Variants in ATG2B observed in about 807,000 individuals in gnomAD.
ATG2B encodes autophagy related 2B, also known as autophagy-related protein 2 homolog B.
ATG2B carries 121 observed loss-of-function variants against 241.3 expected under a neutral mutation model. That is an observed-to-expected ratio of 0.50 (90% confidence interval 0.43 to 0.58). The LOEUF (loss-of-function observed/expected upper bound fraction) is 0.58, where lower values mean the gene tolerates loss of function less well. Ranked by LOEUF, ATG2B falls within the 20% of genes least tolerant of loss-of-function variation. ATG2B has a pLI of 0.00. For synonymous variants in ATG2B, 858 were observed against 876.6 expected (o/e 0.98, Z 0.37); for missense variants, 2,306 against 2,491.6 (o/e 0.93, Z 1.59).
intron 13 of ATG2B, 38 bp downstream of exon 13, chr14:96,328,636 A>T: frequency 1.3e-6 from 2 of 1,567,866 alleles, no homozygotes; most frequent in Non-Finnish European, 1.7e-6. Context: ...TATCAGATTA[A>T]AATTTACAGG....
intron 21 of ATG2B, among the ~76,000 whole-genome samples, chr14:96,316,078 T>C: frequency 6.6e-6 from 1 of 152,146 alleles, no homozygotes; most frequent in East Asian, 1.9e-4. Flanking sequence ...AAGAAGCCAG[T>C]CAAAAAGGCC....
intron 1 of ATG2B, among the ~76,000 whole-genome samples, chr14:96,353,338 T>C (rs986206870): frequency 6.6e-6 from 1 of 152,140 alleles, no homozygotes; most frequent in Non-Finnish European, 1.5e-5. Context: ...TAAAAATACA[T>C]ACTGGGCTGG....
intron 6 of ATG2B, among the ~76,000 whole-genome samples, chr14:96,335,291 A>C (rs992965518): frequency 1.3e-5 from 2 of 152,204 alleles, no homozygotes; most frequent in Non-Finnish European, 2.9e-5. Flanking sequence ...AAATAATAGA[A>C]TTAACAAAAC....
intron 1 of ATG2B, among the ~76,000 whole-genome samples, chr14:96,357,827 A>T (rs1888520114): frequency 6.6e-6 from 1 of 152,236 alleles, no homozygotes. Flanking sequence ...CCATATTGTT[A>T]TCTCTGGAAG....
In ATG2B at chr14:96,345,290, CTTG is replaced by C; in HGVS notation, c.418_420del (p.Gln140del). ...CCTTCAAAAGGCTGGGATCCTTCTC[CTTG>C]TTCATCTGTTAGTTTCTGGCTAAGA... On this transcript the variant is annotated inframe_deletion, in exon 3 of 42. Coordinates refer to ENST00000359933, the MANE Select transcript of ATG2B (RefSeq NM_018036.7). 1.2e-6 allele frequency: 2 copies of C among 1,613,432 alleles called. No individual in the cohort carries two copies. Among genetic ancestry groups the C allele is most frequent in the Non-Finnish European group, 1.7e-6 (2 of 1,179,622 alleles).
chr14:96,320,289 T>A (rs1327375937), intron 18 of ATG2B, among the ~76,000 whole-genome samples: 1 of 152,184 alleles, frequency 6.6e-6, no homozygotes, highest in Non-Finnish European at 1.5e-5. Flanking sequence ...GCTTCAAATC[T>A]GCTTGTATTT....
At chr14:96,337,537 GA>G (rs1887898853) in intron 6 of ATG2B, among the ~76,000 whole-genome samples, 1 of 152,024 alleles carries the variant, frequency 6.6e-6, no homozygotes, top group African/African-American at 2.4e-5. Context: ...AGGTTCCTCA[GA>G]AAACTAAAAA....
intron 36 of ATG2B, among the ~76,000 whole-genome samples, 199 bp from the exon 37 acceptor site, chr14:96,292,297 CTCATA>C (rs1327869977): frequency 6.6e-6 from 1 of 152,086 alleles, no homozygotes; most frequent in African/African-American, 2.4e-5. Context: ...TGTTAATCAT[CTCATA>C]TATTATTATA....
At position 96,315,183 on chromosome 14, in the gene ATG2B, G is replaced by A; in HGVS notation, c.3613C>T (p.Leu1205Phe). 6.2e-7 allele frequency: 1 copy of A among 1,614,148 alleles called. No individual in the cohort carries two copies. Among genetic ancestry groups the A allele is most frequent in the African/African-American group, 1.3e-5 (1 of 75,052 alleles). Reference protein sequence around the residue: ...LKGATLQHRMLPSGLSWHEQI... With the variant: ...LKGATLQHRMFPSGLSWHEQI... ...TCATGCCAGCTAAGCCCAGAAGGAA[G>A]CATTCTATGCTGGAGAGTGGCTCCT... Residue 1205 changes from leucine (L) to phenylalanine (F), a missense_variant, in exon 23 of 42, where the codon CTT becomes TTT. Physicochemically the swap from Leu to Phe is conservative, Grantham distance 22 (BLOSUM62 0). This residue lies in a region of ATG2B where 1,927 missense variants were observed against 2,011.2 expected (regional missense o/e 0.96). Transcript: ENST00000359933.
chr14:96,301,919 T>G, intron 34 of ATG2B, 88 bp downstream of exon 34: 1 of 1,061,478 alleles, frequency 9.4e-7, no homozygotes, highest in Non-Finnish European at 1.4e-6. Context: ...CCATAAAAGT[T>G]CAATAATGAT....
intron 11 of ATG2B, among the ~76,000 whole-genome samples, chr14:96,330,272 G>C (rs1324224262): frequency 6.6e-6 from 1 of 152,082 alleles, no homozygotes; most frequent in African/African-American, 2.4e-5. Context: ...CTAACCTGTA[G>C]AGTTTTTCTT....
At chr14:96,335,383 T>C (rs1180090179) in intron 6 of ATG2B, among the ~76,000 whole-genome samples, 1 of 152,072 alleles carries the variant, frequency 6.6e-6, no homozygotes, top group African/African-American at 2.4e-5. Context: ...AAAAATCAAA[T>C]AAACTACATA....
At chr14:96,334,146 G>C (rs1887811571) in intron 7 of ATG2B, among the ~76,000 whole-genome samples, 1 of 152,128 alleles carries the variant, frequency 6.6e-6, no homozygotes, top group Non-Finnish European at 1.5e-5. Flanking sequence ...ATTGTATGAA[G>C]TACTATCCCC....
At chr14:96,291,461 TAA>T (rs1886481234) in intron 38 of ATG2B, 137 bp downstream of exon 38, 8 of 532,414 alleles carry the variant, frequency 1.5e-5, no homozygotes, top group South Asian at 3.7e-5. Context: ...GCCTAAATCT[TAA>T]GAGTCCTCTA....
chr14:96,322,029 G>T, intron 18 of ATG2B, 83 bp downstream of exon 18: 1 of 1,034,018 alleles, frequency 9.7e-7, no homozygotes, highest in Non-Finnish European at 1.4e-6. Flanking sequence ...TTCAGGCAAG[G>T]AAAGGAAAGG....
rs1886417140 is a variant in ATG2B, at chr14:96,289,239, A to T, written c.6006+417T>A. Among the ~76,000 whole-genome samples, 1 of 152,232 alleles carries T rather than the reference A, an allele frequency of 6.6e-6. No homozygotes were observed. Among genetic ancestry groups the T allele is most frequent in the African/African-American group, 2.4e-5 (1 of 41,460 alleles). On this transcript the variant is annotated intron_variant, in intron 41 of 41. Transcript: ENST00000359933. This position sits in a 1 kb window ranked among gnomAD's most constrained non-coding sequence, Gnocchi z 4.3. Reference sequence around the variant, plus strand: ...TAAAACTATATAAAAACATGTACAAAAAAATATGTTCCACGTTCAGCATAG... The same window carrying T: ...TAAAACTATATAAAAACATGTACAATAAAATATGTTCCACGTTCAGCATAG...
chr14:96,323,028 A>C (rs1028604567), intron 16 of ATG2B, among the ~76,000 whole-genome samples: 1 of 152,324 alleles, frequency 6.6e-6, no homozygotes, highest in African/African-American at 2.4e-5. Context: ...ACTTTACCTA[A>C]GGATTCTAGT....
chr14:96,362,778 A>G (rs1595340957), intron 1 of ATG2B, 37 bp downstream of exon 1: 1 of 1,579,840 alleles, frequency 6.3e-7, no homozygotes, highest in Non-Finnish European at 8.6e-7. Flanking sequence ...TAAAGAGGGG[A>G]GCGAGCCCCG....
rs1344776570 is a variant in ATG2B at position 96,328,343 on chromosome 14, T to G, written c.2163+4A>C. On this transcript the variant is annotated splice_donor_region_variant and intron_variant, in intron 14 of 41. Coordinates refer to ENST00000359933, the MANE Select transcript of ATG2B (RefSeq NM_018036.7). ...ATTAGTATTTGCAGCTTTTGAATACTTACCAGACTAATATGTTTATTATAT... is the reference window on the plus strand; with the variant it reads ...ATTAGTATTTGCAGCTTTTGAATACGTACCAGACTAATATGTTTATTATAT... 6.3e-7 allele frequency: 1 copy of G among 1,592,526 alleles called. No homozygotes were observed. Among genetic ancestry groups the G allele is most frequent in the Non-Finnish European group, 8.6e-7 (1 of 1,168,834 alleles).
Sources: allele counts gnomAD v4.1 joint callset (sites outside exome capture counted in the v4.1 genomes callset), GRCh38; gene constraint gnomAD v4.1.1; regional missense constraint gnomAD v4.1.1; non-coding constraint Gnocchi (gnomAD v3.1); transcripts MANE v1.5; gene names NCBI Gene and HGNC (gene_info 2026-07-23, HGNC 2026-07-21).